The following CRACR2A variants were observed in gnomAD, a reference collection of about 807,000 sequenced individuals.
CRACR2A encodes the protein calcium release activated channel regulator 2A.
Under a neutral mutation model 90.5 loss-of-function variants are expected in CRACR2A, and 79 were observed. That is an observed-to-expected ratio of 0.87 (90% CI 0.73 to 1.05). CRACR2A has a LOEUF of 1.05. Ranked by LOEUF, CRACR2A falls within the 50% of genes least tolerant of loss-of-function variation. The pLI, the probability that CRACR2A is intolerant of heterozygous loss-of-function variation, is 0.00. For missense variants in CRACR2A, 823 were observed against 897.2 expected (o/e 0.92, Z 1.06); for synonymous variants, 338 against 356.7 (o/e 0.95, Z 0.59).
chr12:3,708,610 A>C (rs1367801529), intron 3 of CRACR2A, among the ~76,000 whole-genome samples: 2 of 152,086 alleles, frequency 1.3e-5, no homozygotes, highest in Non-Finnish European at 2.9e-5. Context: ...ATTTTTTAGT[A>C]GAGACGGGGT....
chr12:3,635,444 A>T (rs1487275552), intron 14 of CRACR2A, among the ~76,000 whole-genome samples: 1 of 152,246 alleles, frequency 6.6e-6, no homozygotes, highest in Non-Finnish European at 1.5e-5. Context: ...ACACAAAAGT[A>T]GAGAGGAAAT....
intron 2 of CRACR2A, among the ~76,000 whole-genome samples, chr12:3,723,551 G>A (rs1946215456): frequency 6.6e-6 from 1 of 152,018 alleles, no homozygotes; most frequent in South Asian, 2.1e-4. Context: ...GATGCCTAGG[G>A]ATGCCCCTAG....
intron 8 of CRACR2A, among the ~76,000 whole-genome samples, chr12:3,656,663 C>T (rs191620525): frequency 7.2e-5 from 11 of 152,142 alleles, no homozygotes; most frequent in Non-Finnish European, 1.3e-4. Context: ...TGACTGTGCA[C>T]CACCACCCTC....
chr12:3,695,562 T>C (rs1945725165), intron 4 of CRACR2A, among the ~76,000 whole-genome samples: 1 of 152,120 alleles, frequency 6.6e-6, no homozygotes, highest in Non-Finnish European at 1.5e-5. Flanking sequence ...GTCACACAGC[T>C]CCTTTCACAG....
At chr12:3,632,852 C>A (rs193291303) in intron 15 of CRACR2A, among the ~76,000 whole-genome samples, 1 of 152,198 alleles carries the variant, frequency 6.6e-6, no homozygotes, top group African/African-American at 2.4e-5. Flanking sequence ...AATAGGCATG[C>A]AATGTATTTG....
chr12:3,656,269 A>C (rs1297458671), intron 9 of CRACR2A, 42 bp downstream of exon 9: 2 of 1,586,100 alleles, frequency 1.3e-6, no homozygotes, highest in Non-Finnish European at 1.7e-6. Flanking sequence ...AAAAGGAGAG[A>C]GTGAAGAGCC....
At chr12:3,724,251 G>A (rs1357940151) in intron 2 of CRACR2A, among the ~76,000 whole-genome samples, 1 of 152,146 alleles carries the variant, frequency 6.6e-6, no homozygotes, top group Non-Finnish European at 1.5e-5. Context: ...ACAACACCTG[G>A]GAAATGCACG....
In CRACR2A at chr12:3,627,654, C is replaced by CA; in HGVS notation, c.1787dup (p.Gln597AlafsTer62). The CA allele has an allele frequency of 6.4e-7, 1 of 1,551,822 alleles. No individual in the cohort carries two copies. ...CCTGCCCAGCCGTGTCCCACAGCTG[C>CA]AGGGCCACCTGAGAGTTGTCCACAT... On this transcript the variant is annotated frameshift_variant, in exon 16 of 20. Coordinates refer to ENST00000440314, the MANE Select transcript of CRACR2A (RefSeq NM_001144958.2). LOFTEE classifies it high-confidence loss of function.
At chr12:3,704,903 C>T (rs375364383) in intron 3 of CRACR2A, among the ~76,000 whole-genome samples, 2 of 152,220 alleles carry the variant, frequency 1.3e-5, no homozygotes, top group Non-Finnish European at 2.9e-5. Flanking sequence ...GCTAGACCTG[C>T]AGTCTTTGCT....
rs1944735512 is a variant in CRACR2A, at chr12:3,648,591, T to G, written c.1069A>C (p.Ser357Arg). 3.1e-6 allele frequency: 5 copies of G among 1,613,810 alleles called. No individual in the cohort carries two copies. Among genetic ancestry groups the G allele is most frequent in the Middle Eastern group, 1.7e-4 (1 of 6,052 alleles). ...KEMEVYRVTESLQREKAGLLK... is the reference protein window; with the variant it reads ...KEMEVYRVTERLQREKAGLLK... Reference sequence around the variant, plus strand: ...AGCCCGGCCTTCTCACGCTGTAGACTCTCCGTCACACGGTACACTTCCCTG... The same window carrying G: ...AGCCCGGCCTTCTCACGCTGTAGACGCTCCGTCACACGGTACACTTCCCTG... The change falls in exon 11 of 20, where the codon AGT becomes CGT. Residue 357 changes from serine (S) to arginine (R), a missense_variant. Physicochemically the swap from Ser to Arg is moderately radical, Grantham distance 110. Transcript: ENST00000440314.
chr12:3,650,791 C>G (rs541156431), intron 10 of CRACR2A, among the ~76,000 whole-genome samples: 1 of 152,202 alleles, frequency 6.6e-6, no homozygotes, highest in Non-Finnish European at 1.5e-5. Flanking sequence ...TTCTCTGGCT[C>G]TGCATACACA....
chr12:3,718,125 A>G (rs1170220831), intron 2 of CRACR2A, among the ~76,000 whole-genome samples: 1 of 152,232 alleles, frequency 6.6e-6, no homozygotes, highest in East Asian at 1.9e-4. Context: ...TGTGAAGATG[A>G]TAAGATACAC....
intron 2 of CRACR2A, among the ~76,000 whole-genome samples, chr12:3,725,397 T>C (rs1167742567): frequency 6.6e-6 from 1 of 152,210 alleles, no homozygotes; most frequent in Admixed American, 6.5e-5. Context: ...CTTGAGGCTA[T>C]ATCACTCCAG....
intron 4 of CRACR2A, among the ~76,000 whole-genome samples, chr12:3,680,561 C>T (rs1945429455): frequency 6.6e-6 from 1 of 152,244 alleles, no homozygotes; most frequent in African/African-American, 2.4e-5. Context: ...TACGAATGTA[C>T]TAGGCCATTT....
intron 17 of CRACR2A, among the ~76,000 whole-genome samples, chr12:3,619,921 G>A (rs1262026446): frequency 2.0e-5 from 3 of 152,228 alleles, no homozygotes; most frequent in Non-Finnish European, 4.4e-5. Context: ...GCGCCCACAA[G>A]GCTCCATAAA....
In CRACR2A at chr12:3,659,554, G is replaced by A. The variant is rs760241184; in HGVS notation, c.762+10C>T. The A allele has an allele frequency of 9.9e-6, 16 of 1,613,080 alleles. No individual in the cohort carries two copies. Among genetic ancestry groups the A allele is most frequent in the East Asian group, 8.9e-5 (4 of 44,882 alleles). On this transcript the variant is annotated intron_variant, in intron 8 of 19. Transcript: ENST00000440314. ...GGCCTCAGAGCCAAGCCTGGGGAGC[G>A]TACACTTACCTTCAGGAGAAACTGC...
chr12:3,739,056 G>A (rs541507720), intron 1 of CRACR2A, among the ~76,000 whole-genome samples: 2 of 151,050 alleles, frequency 1.3e-5, no homozygotes, highest in East Asian at 1.9e-4. Flanking sequence ...CCTGGGAGTT[G>A]GCCACATGGA....
intron 18 of CRACR2A, among the ~76,000 whole-genome samples, chr12:3,617,551 C>T (rs140544973): frequency 3.3e-5 from 5 of 152,290 alleles, no homozygotes; most frequent in African/African-American, 7.2e-5. Context: ...TGAGGCACTC[C>T]GGTAGGAATT....
chr12:3,627,498 T>G lies in CRACR2A; in HGVS notation c.1870A>C (p.Met624Leu), dbSNP rs963018418. The G allele has an allele frequency of 2.0e-5, 31 of 1,551,784 alleles. No homozygotes were observed. Among genetic ancestry groups the G allele is most frequent in the Non-Finnish European group, 2.5e-5 (29 of 1,147,066 alleles). ...FFRKADGVIV[M>L]YDLTDKQSFL... Reference sequence around the variant, plus strand: ...GACTGCTTGTCTGTGAGATCGTACATGACGATGACACCATCTGCCTTTCTG... The same window carrying G: ...GACTGCTTGTCTGTGAGATCGTACAGGACGATGACACCATCTGCCTTTCTG... The change falls in exon 17 of 20, where the codon ATG becomes CTG. Residue 624 changes from methionine (M) to leucine (L), a missense_variant. Met to Leu is a conservative substitution (Grantham distance 15). Coordinates refer to ENST00000440314, the MANE Select transcript of CRACR2A (RefSeq NM_001144958.2).
Sources: gnomAD v4.1 joint callset for allele counts (sites outside exome capture counted in the v4.1 genomes callset) on GRCh38, gnomAD v4.1.1 for gene constraint, MANE v1.5 for transcripts, NCBI Gene and HGNC (gene_info 2026-07-23, HGNC 2026-07-21) for gene names.